Variants in DTNBP1 observed in about 807,000 individuals in gnomAD.
DTNBP1 encodes dysbindin.
Under a neutral mutation model 42.8 loss-of-function variants are expected in DTNBP1, and 35 were observed. The ratio of observed to expected loss-of-function variants is 0.82; its 90% CI spans 0.63 to 1.09. The LOEUF (loss-of-function observed/expected upper bound fraction) is 1.09. DTNBP1 is among the 50% of genes least tolerant of loss of function. The pLI is 0.00. For missense variants in DTNBP1, 457 were observed against 424.2 expected (o/e 1.08, Z -0.68); for synonymous variants, 171 against 162.2 (o/e 1.05, Z -0.41).
chr6:15,648,678 AGAT>A (rs965294965), intron 3 of DTNBP1, among the ~76,000 whole-genome samples: 7 of 152,096 alleles, frequency 4.6e-5, no homozygotes, highest in Non-Finnish European at 8.8e-5. Context: ...GAATTAACAA[AGAT>A]GATGAAAGAC....
At chr6:15,613,356 C>CTT (rs1758532427) in intron 6 of DTNBP1, among the ~76,000 whole-genome samples, 1 of 19,696 alleles carries the variant, frequency 5.1e-5, no homozygotes, top group Non-Finnish European at 1.2e-4. Context: ...ACACGGACCC[C>CTT]ATTTTTTTTT....
chr6:15,533,482 A>C, intron 7 of DTNBP1, 87 bp from the exon 8 acceptor site: 1 of 1,583,242 alleles, frequency 6.3e-7, no homozygotes, highest in Non-Finnish European at 8.7e-7. Flanking sequence ...TCCACCCTCC[A>C]AGTGGATGGA....
At chr6:15,575,549 G>C (rs1775525442) in intron 7 of DTNBP1, among the ~76,000 whole-genome samples, 1 of 152,196 alleles carries the variant, frequency 6.6e-6, no homozygotes, top group Admixed American at 6.5e-5. Context: ...TGTCGCTGCT[G>C]AAAAGTGACC....
chr6:15,545,035 T>C (rs1773790525), intron 7 of DTNBP1, among the ~76,000 whole-genome samples: 1 of 152,254 alleles, frequency 6.6e-6, no homozygotes, highest in Admixed American at 6.5e-5. Flanking sequence ...CCACTTTTCC[T>C]GTACTGTTAC....
At chr6:15,595,495 G>T (rs927840659) in intron 6 of DTNBP1, among the ~76,000 whole-genome samples, 1 of 151,986 alleles carries the variant, frequency 6.6e-6, no homozygotes, top group Non-Finnish European at 1.5e-5. Context: ...TCAAACTCCT[G>T]ACCTCAGTTG....
chr6:15,647,066 A>G (rs1250692834), intron 3 of DTNBP1, among the ~76,000 whole-genome samples: 1 of 152,026 alleles, frequency 6.6e-6, no homozygotes, highest in African/African-American at 2.4e-5. Context: ...TAAACAGACA[A>G]CCTACAGAAT....
chr6:15,660,548 C>T, intron 1 of DTNBP1: 1 of 1,289,368 alleles, frequency 7.8e-7, no homozygotes, highest in Non-Finnish European at 1.0e-6. Flanking sequence ...CAACAAAAGA[C>T]CTAATGAAGC....
intron 9 of DTNBP1, chr6:15,524,130 C>T (rs1023361579): frequency 3.6e-6 from 5 of 1,371,470 alleles, no homozygotes; most frequent in East Asian, 4.0e-5. Flanking sequence ...GGCAGGCACG[C>T]CCCTAAATGC....
intron 7 of DTNBP1, among the ~76,000 whole-genome samples, chr6:15,540,196 G>GA (rs67958374): frequency 0.07 from 10,520 of 150,852 alleles, 441 homozygotes; most frequent in African/African-American, 0.12. Flanking sequence ...GTACTCGTAA[G>GA]AAAAAAAAAT....
chr6:15,656,197 G>A (rs2113822033), intron 1 of DTNBP1, among the ~76,000 whole-genome samples: 1 of 152,276 alleles, frequency 6.6e-6, no homozygotes, highest in East Asian at 1.9e-4. Context: ...ATAAAGCAGA[G>A]GTTCCCAATG....
chr6:15,571,703 T>A (rs558928934), intron 7 of DTNBP1, among the ~76,000 whole-genome samples: 1 of 152,174 alleles, frequency 6.6e-6, no homozygotes, highest in Admixed American at 6.5e-5. Context: ...CAATTCATAG[T>A]ATTGTCACTA....
rs577847620 is a variant in DTNBP1 at position 15,613,865 on chromosome 6, T to G, written c.488+1402A>C. On this transcript the variant is annotated intron_variant, in intron 6 of 9. Transcript: ENST00000344537. The stretch of plus-strand genomic sequence containing the variant: ...CCAATCTCCCATCCCTGCCTGGCAG[T>G]CTCTCAAACTATGGTCCACAGGCCA... Among the ~76,000 whole-genome samples the G allele has an allele frequency of 2.0e-5, 3 of 152,244 alleles. No homozygotes were observed. In the South Asian group the frequency reaches 6.2e-4, roughly 32 times the overall value.
In DTNBP1 at chr6:15,533,183, A is replaced by G. The variant is rs1772985084; in HGVS notation, c.667+57T>C. The G allele has an allele frequency of 3.1e-6, 5 of 1,606,658 alleles. No individual in the cohort carries two copies. In the South Asian group the frequency reaches 4.4e-5, roughly 14 times the overall value. On this transcript the variant is annotated intron_variant, in intron 8 of 9. Transcript: ENST00000344537. ...TGCCCTGCTCTGGGGAGAGGGGTCC[A>G]TCGCCACCCCGCACAGCCGGTGAGT...
intron 6 of DTNBP1, among the ~76,000 whole-genome samples, chr6:15,609,415 G>A (rs1356778705): frequency 1.3e-5 from 2 of 151,962 alleles, no homozygotes; most frequent in South Asian, 2.1e-4. Context: ...CGCCTCCCGG[G>A]TTCAAGTAAT....
intron 9 of DTNBP1, chr6:15,523,636 C>T (rs960804790): frequency 5.4e-6 from 7 of 1,287,332 alleles, no homozygotes; most frequent in Non-Finnish European, 7.1e-6. Context: ...TGACCTTCAG[C>T]AGTTCTCCAA....
chr6:15,618,869 T>C (rs926460687), intron 5 of DTNBP1, among the ~76,000 whole-genome samples: 3 of 152,212 alleles, frequency 2.0e-5, no homozygotes, highest in Admixed American at 1.3e-4. Flanking sequence ...ATGTGTTATA[T>C]ATAAACGATG....
At chr6:15,568,065 C>G (rs1326170062) in intron 7 of DTNBP1, among the ~76,000 whole-genome samples, 1 of 152,136 alleles carries the variant, frequency 6.6e-6, no homozygotes, top group Non-Finnish European at 1.5e-5. Flanking sequence ...ATCAGGAAGG[C>G]CACTCTCACC....
At chr6:15,636,854 T>C (rs1383539734) in intron 4 of DTNBP1, among the ~76,000 whole-genome samples, 3 of 152,258 alleles carry the variant, frequency 2.0e-5, no homozygotes, top group African/African-American at 7.2e-5. Flanking sequence ...GTTGTTGTTG[T>C]TGGCCCTTTA....
At chr6:15,563,185 T>C (rs191393742) in intron 7 of DTNBP1, among the ~76,000 whole-genome samples, 18 of 152,276 alleles carry the variant, frequency 1.2e-4, no homozygotes, top group African/African-American at 4.3e-4. Context: ...TCAGCTAAAG[T>C]ACCACTTCCT....
Sources: allele counts gnomAD v4.1 joint callset (sites outside exome capture counted in the v4.1 genomes callset), GRCh38; gene constraint gnomAD v4.1.1; transcripts MANE v1.5; gene names NCBI Gene and HGNC (gene_info 2026-07-23, HGNC 2026-07-21).